Variants in PCOLCE2 observed in about 807,000 individuals in gnomAD.
The protein encoded by PCOLCE2 is procollagen C-proteinase enhancer 2.
PCOLCE2 carries 42 observed loss-of-function variants against 47.0 expected under a neutral mutation model. The ratio of observed to expected loss-of-function variants is 0.89; its 90% CI spans 0.70 to 1.16. The LOEUF (loss-of-function observed/expected upper bound fraction) is 1.16, where lower values mean the gene tolerates loss of function less well. Among genes scored for constraint, PCOLCE2 ranks in the 50% most tolerant of loss-of-function variants. The probability of loss-of-function intolerance (pLI) is 0.00; values close to 1 mark genes in which losing one functional copy is unlikely to be tolerated. For missense variants in PCOLCE2, 500 were observed against 526.1 expected, an observed-to-expected ratio of 0.95 and a Z score of 0.49; for synonymous variants, 169 against 191.7, an observed-to-expected ratio of 0.88 and a Z score of 0.98.
intron 5 of PCOLCE2, among the ~76,000 whole-genome samples, chr3:142,836,431 C>A (rs1364367691): frequency 6.6e-6 from 1 of 152,190 alleles, no homozygotes; most frequent in Non-Finnish European, 1.5e-5. Flanking sequence ...GGCACATGCC[C>A]CGGGGGAGCT....
Position 142,838,764 on chromosome 3 carries a change from A to G in PCOLCE2, c.710+6T>C. On this transcript the variant is annotated splice_donor_region_variant and intron_variant, in intron 5 of 8. Transcript: ENST00000295992. ...ACTATTAAAGACATAAATAGGTGCT[A>G]CTTACGCAGGTGGACTATCACCACA... 6.2e-7 allele frequency: 1 copy of G among 1,612,874 alleles called. No homozygotes were observed. Among genetic ancestry groups the G allele is most frequent in the South Asian group, 1.1e-5 (1 of 91,004 alleles).
At chr3:142,868,706 G>A (rs2707979) in intron 2 of PCOLCE2, among the ~76,000 whole-genome samples, 192 of 152,084 alleles carry the variant, frequency 1.3e-3, no homozygotes, top group Non-Finnish European at 2.2e-3. Context: ...TAGCCTGTGC[G>A]GTCTAACCCT....
chr3:142,878,297 T>C (rs968623688), intron 2 of PCOLCE2, among the ~76,000 whole-genome samples: 1 of 152,124 alleles, frequency 6.6e-6, no homozygotes, highest in African/African-American at 2.4e-5. Flanking sequence ...TCGGGATGTT[T>C]ATATTTGTTT....
At chr3:142,831,648 C>G (rs556645845) in intron 5 of PCOLCE2, among the ~76,000 whole-genome samples, 1 of 152,236 alleles carries the variant, frequency 6.6e-6, no homozygotes, top group East Asian at 1.9e-4. Flanking sequence ...ATGCACTACA[C>G]ACAATTCTAA....
At chr3:142,859,545 A>C (rs1933138933) in intron 2 of PCOLCE2, among the ~76,000 whole-genome samples, 1 of 151,112 alleles carries the variant, frequency 6.6e-6, no homozygotes, top group Non-Finnish European at 1.5e-5. Context: ...AATTACACTA[A>C]TTTTTTCTTT....
chr3:142,851,880 G>C (rs910967761), intron 2 of PCOLCE2, among the ~76,000 whole-genome samples: 2 of 152,202 alleles, frequency 1.3e-5, no homozygotes, highest in Admixed American at 1.3e-4. Flanking sequence ...CTCTCCTGTA[G>C]AGAGGTGTTG....
intron 2 of PCOLCE2, among the ~76,000 whole-genome samples, chr3:142,854,849 C>T (rs1453617339): frequency 6.6e-6 from 1 of 152,120 alleles, no homozygotes; most frequent in Non-Finnish European, 1.5e-5. Flanking sequence ...TTACAGCAAC[C>T]CTATGAAGTT....
At chr3:142,875,728 C>G (rs1933484043) in intron 2 of PCOLCE2, among the ~76,000 whole-genome samples, 1 of 152,114 alleles carries the variant, frequency 6.6e-6, no homozygotes, top group Non-Finnish European at 1.5e-5. Flanking sequence ...CCTCCCAACT[C>G]TGCACCACAG....
chr3:142,866,774 T>A (rs142150651), intron 2 of PCOLCE2, among the ~76,000 whole-genome samples: 1 of 152,246 alleles, frequency 6.6e-6, no homozygotes, highest in Non-Finnish European at 1.5e-5. Flanking sequence ...TAAGGCTTTT[T>A]CTTTTAATAA....
At chr3:142,824,713 C>T (rs537188194) in intron 6 of PCOLCE2, among the ~76,000 whole-genome samples, 5 of 152,178 alleles carry the variant, frequency 3.3e-5, no homozygotes, top group Non-Finnish European at 7.3e-5. Flanking sequence ...GATCTTGGCT[C>T]ACTGCAAGCT....
intron 5 of PCOLCE2, among the ~76,000 whole-genome samples, chr3:142,833,631 C>T (rs1937174531): frequency 6.6e-6 from 1 of 152,178 alleles, no homozygotes; most frequent in African/African-American, 2.4e-5. Flanking sequence ...TCATTACAAA[C>T]CATATTGCTG....
intron 8 of PCOLCE2, among the ~76,000 whole-genome samples, chr3:142,820,514 T>A (rs1400310414): frequency 6.6e-6 from 1 of 152,142 alleles, no homozygotes; most frequent in African/African-American, 2.4e-5. Context: ...CGGATATACC[T>A]CCCTCTTCTG....
At chr3:142,839,133 T>G (rs1185460063) in intron 4 of PCOLCE2, among the ~76,000 whole-genome samples, 1 of 152,186 alleles carries the variant, frequency 6.6e-6, no homozygotes, top group African/African-American at 2.4e-5. Flanking sequence ...CAAACTCAGA[T>G]CAACTCTAGT....
chr3:142,856,368 C>A (rs1404985555), intron 2 of PCOLCE2, among the ~76,000 whole-genome samples: 1 of 152,172 alleles, frequency 6.6e-6, no homozygotes, highest in Non-Finnish European at 1.5e-5. Context: ...TGTGGCTGGT[C>A]AGTTGGGGTG....
At chr3:142,874,401 C>A (rs767762229) in intron 2 of PCOLCE2, among the ~76,000 whole-genome samples, 30 of 152,214 alleles carry the variant, frequency 2.0e-4, no homozygotes, top group South Asian at 1.9e-3. Context: ...TGTGGCACAC[C>A]CCCCTCACTC....
intron 2 of PCOLCE2, among the ~76,000 whole-genome samples, chr3:142,883,198 CAAAAAAAA>C (rs750569279): frequency 2.8e-5 from 2 of 71,900 alleles, no homozygotes; most frequent in South Asian, 6.6e-4. Flanking sequence ...GACTCCGTCT[CAAAAAAAA>C]AAAAAAAAAA....
At chr3:142,827,830 C>T in intron 6 of PCOLCE2, 1 of 559,540 alleles carries the variant, frequency 1.8e-6, no homozygotes, top group Admixed American at 3.1e-5. Flanking sequence ...ACACCTCAAA[C>T]CCAACAAGGC....
Position 142,823,589 on chromosome 3 carries a change from G to T in PCOLCE2, c.892C>A (p.Gln298Lys). 1 of 1,609,126 alleles carries T rather than the reference G, an allele frequency of 6.2e-7. No homozygotes were observed. The highest frequency in any genetic ancestry group is 2.2e-5 in the East Asian group (1 of 44,826). ...TGLKPTVALC[Q>K]QKCRRTGTLE... ...GTCCCCGTCCGTCTACACTTTTGTT[G>T]ACACAAGGCCACGGTGGGTTTTAAA... Residue 298 changes from glutamine to lysine, a missense_variant, in exon 7 of 9, where the codon CAA becomes AAA. Physicochemically the swap from Gln to Lys is moderately conservative, Grantham distance 53 (BLOSUM62 1). Coordinates refer to ENST00000295992, the MANE Select transcript of PCOLCE2 (RefSeq NM_013363.4).
At chr3:142,846,428 G>A (rs980496400) in intron 3 of PCOLCE2, among the ~76,000 whole-genome samples, 1 of 152,172 alleles carries the variant, frequency 6.6e-6, no homozygotes, top group Non-Finnish European at 1.5e-5. Flanking sequence ...TTGAACTCCT[G>A]ATCTCAGGTG....
Sources: gnomAD v4.1 joint callset for allele counts (sites outside exome capture counted in the v4.1 genomes callset) on GRCh38, gnomAD v4.1.1 for gene constraint, MANE v1.5 for transcripts, NCBI Gene and HGNC (gene_info 2026-07-23, HGNC 2026-07-21) for gene names.